The following OSBPL6 variants were observed in gnomAD, a reference collection of about 807,000 sequenced individuals.
OSBPL6 encodes oxysterol-binding protein-related protein 6.
OSBPL6 carries 49 observed loss-of-function variants against 125.8 expected under a neutral mutation model. The ratio of observed to expected loss-of-function variants is 0.39; its 90% CI spans 0.31 to 0.49. The LOEUF (loss-of-function observed/expected upper bound fraction) is 0.49. Ranked by LOEUF, OSBPL6 falls within the 20% of genes least tolerant of loss-of-function variation. The probability of loss-of-function intolerance (pLI) is 0.88; values close to 1 mark genes in which losing one functional copy is unlikely to be tolerated. For missense variants in OSBPL6, 986 were observed against 1,135.4 expected, an observed-to-expected ratio of 0.87 and a Z score of 1.89; for synonymous variants, 394 against 391.8, an observed-to-expected ratio of 1.01 and a Z score of -0.07.
intron 1 of OSBPL6, among the ~76,000 whole-genome samples, chr2:178,277,478 C>G (rs333994): frequency 0.34 from 51,249 of 151,996 alleles, 8,809 homozygotes; most frequent in Non-Finnish European, 0.36. Context: ...TTTCCCTACC[C>G]TCAGAGAAAT....
intron 1 of OSBPL6, among the ~76,000 whole-genome samples, chr2:178,267,698 GTA>G (rs1305579457): frequency 1.3e-5 from 2 of 152,016 alleles, no homozygotes; most frequent in African/African-American, 4.8e-5. Flanking sequence ...TGCCTGCTGT[GTA>G]TAAGATACTG....
chr2:178,310,664 A>G (rs1042283217), intron 3 of OSBPL6, among the ~76,000 whole-genome samples: 1 of 151,568 alleles, frequency 6.6e-6, no homozygotes, highest in African/African-American at 2.4e-5. Context: ...TGATCCGCCC[A>G]CCTCGGCCTC....
chr2:178,258,135 C>T (rs1004782372), intron 1 of OSBPL6, among the ~76,000 whole-genome samples: 1 of 151,218 alleles, frequency 6.6e-6, no homozygotes, highest in Non-Finnish European at 1.5e-5. Context: ...GAGTCTCACT[C>T]TGTCACCCAG....
chr2:178,258,441 A>G (rs1250460003), intron 1 of OSBPL6, among the ~76,000 whole-genome samples: 2 of 152,206 alleles, frequency 1.3e-5, no homozygotes, highest in Non-Finnish European at 1.5e-5. Context: ...AAAATTTCAA[A>G]CATGTATAGA....
intron 2 of OSBPL6, among the ~76,000 whole-genome samples, chr2:178,304,183 G>A (rs1330405696): frequency 5.9e-5 from 9 of 152,076 alleles, no homozygotes; most frequent in Admixed American, 5.9e-4. Flanking sequence ...TCGTCATATG[G>A]CAGGAAAGCA....
intron 2 of OSBPL6, 125 bp from the exon 3 acceptor site, chr2:178,305,902 GGAA>G (rs2154058638): frequency 4.6e-6 from 1 of 218,308 alleles, no homozygotes; most frequent in Non-Finnish European, 8.9e-6. Context: ...AAAATCTAGA[GGAA>G]GAAGTATTTC....
chr2:178,308,260 C>T (rs1201715014), intron 3 of OSBPL6, among the ~76,000 whole-genome samples: 1 of 152,200 alleles, frequency 6.6e-6, no homozygotes, highest in African/African-American at 2.4e-5. Context: ...ATCTCAATCA[C>T]TGCCTAAACC....
chr2:178,281,360 A>G (rs1381057920), intron 1 of OSBPL6, among the ~76,000 whole-genome samples: 2 of 152,042 alleles, frequency 1.3e-5, no homozygotes, highest in Admixed American at 6.6e-5. Context: ...TATGTCCTGA[A>G]TGGTATTGCC....
chr2:178,211,086 A>G (rs903540441), intron 1 of OSBPL6, among the ~76,000 whole-genome samples: 1 of 152,184 alleles, frequency 6.6e-6, no homozygotes, highest in African/African-American at 2.4e-5. Flanking sequence ...AGCCTGGGCA[A>G]CATAGCAAGA....
At chr2:178,316,496 T>C (rs1286250319) in intron 3 of OSBPL6, among the ~76,000 whole-genome samples, 1 of 152,194 alleles carries the variant, frequency 6.6e-6, no homozygotes, top group East Asian at 1.9e-4. Flanking sequence ...TTTGAATATT[T>C]AATGCTGTGG....
At position 178,363,939 on chromosome 2, in the gene OSBPL6, T is replaced by G. The variant is rs184309771; in HGVS notation, c.1287+2124T>G. On this transcript the variant is annotated intron_variant, in intron 13 of 24. Transcript: ENST00000190611. ...GTGTGTCATCCCAGCATTTTGGTGA[T>G]GTTCACATCCCCGTGTGTGTCCATG... Among the ~76,000 whole-genome samples, 9 of 152,344 alleles carry G rather than the reference T, an allele frequency of 5.9e-5. No individual in the cohort carries two copies. In the East Asian group the frequency reaches 1.5e-3, roughly 26 times the overall value.
chr2:178,391,936 A>G (rs111496196), intron 22 of OSBPL6, among the ~76,000 whole-genome samples: 18 of 152,338 alleles, frequency 1.2e-4, no homozygotes, highest in African/African-American at 4.3e-4. Context: ...GCTTTATTCC[A>G]GGAGCTCGGG....
intron 1 of OSBPL6, among the ~76,000 whole-genome samples, chr2:178,284,182 A>T (rs552118269): frequency 2.0e-5 from 3 of 152,242 alleles, no homozygotes; most frequent in Admixed American, 2.0e-4. Context: ...GAGACTGTTC[A>T]TGCGTTTTTT....
intron 3 of OSBPL6, among the ~76,000 whole-genome samples, chr2:178,317,465 T>G (rs868158044): frequency 1.0e-5 from 1 of 99,282 alleles, no homozygotes; most frequent in African/African-American, 4.0e-5. Flanking sequence ...TATATATATA[T>G]ATATATATAT....
At chr2:178,194,837 C>A (rs2088764139) in intron 1 of OSBPL6, among the ~76,000 whole-genome samples, 163 bp downstream of exon 1, 2 of 152,170 alleles carry the variant, frequency 1.3e-5, no homozygotes, top group Non-Finnish European at 2.9e-5. Flanking sequence ...CCCCTGGAGG[C>A]GCCCCCGGCC....
chr2:178,197,253 A>T (rs968636883), intron 1 of OSBPL6, among the ~76,000 whole-genome samples: 12 of 152,270 alleles, frequency 7.9e-5, no homozygotes, highest in African/African-American at 2.9e-4. Flanking sequence ...AAATAAAAAC[A>T]TGCACTTCTG....
intron 21 of OSBPL6, 57 bp downstream of exon 21, chr2:178,389,210 G>T (rs1238136683): frequency 1.4e-5 from 21 of 1,530,802 alleles, no homozygotes. Context: ...TCTTAAAGAA[G>T]AAATAGAATA....
chr2:178,240,547 G>A (rs147554697), intron 1 of OSBPL6, among the ~76,000 whole-genome samples: 215 of 152,170 alleles, frequency 1.4e-3, no homozygotes, highest in African/African-American at 4.7e-3. Context: ...CATTCTGGGC[G>A]TCTCAAAACT....
intron 12 of OSBPL6, among the ~76,000 whole-genome samples, chr2:178,360,214 G>A (rs1272995019): frequency 6.6e-6 from 1 of 152,212 alleles, no homozygotes; most frequent in African/African-American, 2.4e-5. Flanking sequence ...GATGGCAGTG[G>A]AGGGGAGATG....
Sources: allele counts gnomAD v4.1 joint callset (sites outside exome capture counted in the v4.1 genomes callset), GRCh38; gene constraint gnomAD v4.1.1; transcripts MANE v1.5; gene names NCBI Gene and HGNC (gene_info 2026-07-23, HGNC 2026-07-21).